The following CADPS variants were observed in gnomAD, a reference collection of about 807,000 sequenced individuals.
The protein encoded by CADPS is calcium dependent secretion activator.
In CADPS, 57 loss-of-function variants were observed where a neutral mutation model predicts 167.3. The observed-to-expected ratio is 0.34, with a 90% CI of 0.28 to 0.42. CADPS has a LOEUF of 0.42. Among genes scored for constraint, CADPS ranks in the 20% least tolerant of loss-of-function variants. The pLI, the probability that CADPS is intolerant of heterozygous loss-of-function variation, is 1.00. For synonymous variants in CADPS, 676 were observed against 635.3 expected, an observed-to-expected ratio of 1.06 and a Z score of -0.96; for missense variants, 1,414 against 1,738.1, an observed-to-expected ratio of 0.81 and a Z score of 3.32.
chr3:62,437,760 A>T (rs562085597), intron 28 of CADPS, among the ~76,000 whole-genome samples: 1 of 152,180 alleles, frequency 6.6e-6, no homozygotes, highest in Admixed American at 6.5e-5. Context: ...ATATCTCCCT[A>T]AAGTGAGGCC....
At chr3:62,863,971 G>A (rs1181863631) in intron 1 of CADPS, among the ~76,000 whole-genome samples, 1 of 152,162 alleles carries the variant, frequency 6.6e-6, no homozygotes, top group African/African-American at 2.4e-5. Flanking sequence ...GGAGGTCAAT[G>A]CTCCTCCAAG....
At chr3:62,718,896 G>A (rs756292523) in intron 3 of CADPS, among the ~76,000 whole-genome samples, 11 of 152,226 alleles carry the variant, frequency 7.2e-5, no homozygotes, top group South Asian at 2.1e-4. Flanking sequence ...TACAGAAGCT[G>A]GCTCCGGGCT....
chr3:62,612,454 A>G (rs2061632848), intron 6 of CADPS, among the ~76,000 whole-genome samples: 1 of 152,202 alleles, frequency 6.6e-6, no homozygotes, highest in Non-Finnish European at 1.5e-5. Flanking sequence ...AATGGACTCT[A>G]CCAGAGTGTT....
chr3:62,574,304 G>A (rs982913179), intron 8 of CADPS, among the ~76,000 whole-genome samples: 1 of 151,114 alleles, frequency 6.6e-6, no homozygotes, highest in Non-Finnish European at 1.5e-5. Context: ...AATGCAGGAG[G>A]GGTGACACCA....
chr3:62,711,569 T>C (rs2083395895), intron 3 of CADPS, among the ~76,000 whole-genome samples: 1 of 152,256 alleles, frequency 6.6e-6, no homozygotes, highest in Non-Finnish European at 1.5e-5. Context: ...GAGCCTTAGC[T>C]AGTGAGAGTG....
At chr3:62,622,808 A>G (rs542264570) in intron 6 of CADPS, among the ~76,000 whole-genome samples, 40 of 152,316 alleles carry the variant, frequency 2.6e-4, no homozygotes, top group Non-Finnish European at 4.4e-4. Flanking sequence ...AAAGTTTGAC[A>G]ATAGCCAACT....
chr3:62,594,320 C>A (rs1159258020), intron 6 of CADPS, among the ~76,000 whole-genome samples: 1 of 151,254 alleles, frequency 6.6e-6, no homozygotes, highest in African/African-American at 2.4e-5. Flanking sequence ...CGCCACTATG[C>A]CCGGCTAATT....
Position 62,875,204 on chromosome 3 carries a change from G to A in CADPS, c.-175C>T. 1 of 837,936 alleles carries A rather than the reference G, an allele frequency of 1.2e-6. No homozygotes were observed. Among genetic ancestry groups the A allele is most frequent in the Non-Finnish European group, 1.6e-6 (1 of 625,738 alleles). The allele number at this position is 837,936 out of a possible 1,614,324, so 51.9% of individuals were successfully genotyped here. A position where few individuals can be genotyped will look rare whatever the true frequency, so the allele number is the denominator to read the frequency against. On this transcript the variant is annotated 5_prime_UTR_variant, in exon 1 of 30. Transcript: ENST00000383710. ...GCGACTGATCCTCTGCCCGGCGGTC[G>A]CGAGCTGGGCTCAGACCCAGAAGCG... is the stretch of plus-strand genomic sequence containing the variant.
chr3:62,558,854 G>A (rs528072007), intron 9 of CADPS, among the ~76,000 whole-genome samples: 10 of 152,306 alleles, frequency 6.6e-5, no homozygotes, highest in Non-Finnish European at 1.3e-4. Context: ...GGAAACCTAA[G>A]GCTGGGTCAC....
chr3:62,625,411 A>T (rs1487048197), intron 6 of CADPS: 1 of 148,698 alleles, frequency 6.7e-6, no homozygotes, highest in Non-Finnish European at 1.5e-5. Flanking sequence ...ACACACGCAC[A>T]CACATGCACA....
At chr3:62,615,648 TG>T (rs1319252337) in intron 6 of CADPS, among the ~76,000 whole-genome samples, 1 of 152,070 alleles carries the variant, frequency 6.6e-6, no homozygotes, top group Non-Finnish European at 1.5e-5. Flanking sequence ...TGGCTAACAG[TG>T]ACTGTCTCAC....
intron 10 of CADPS, among the ~76,000 whole-genome samples, chr3:62,553,933 C>T (rs2077708056): frequency 6.6e-6 from 1 of 152,116 alleles, no homozygotes; most frequent in African/African-American, 2.4e-5. Flanking sequence ...TCCCACAATT[C>T]AAAGACAAAA....
intron 23 of CADPS, 71 bp from the exon 24 acceptor site, chr3:62,474,391 G>C: frequency 6.9e-7 from 1 of 1,445,640 alleles, no homozygotes; most frequent in Non-Finnish European, 9.6e-7. Flanking sequence ...TATTTTCTGA[G>C]AGGTCAGTGA....
intron 9 of CADPS, among the ~76,000 whole-genome samples, chr3:62,568,071 G>A (rs539730834): frequency 1.3e-5 from 2 of 152,312 alleles, no homozygotes; most frequent in South Asian, 4.1e-4. Context: ...AGTGAACCAG[G>A]TTAGACTAAA....
chr3:62,687,166 T>C (rs1311674585), intron 3 of CADPS, among the ~76,000 whole-genome samples: 1 of 152,146 alleles, frequency 6.6e-6, no homozygotes, highest in Non-Finnish European at 1.5e-5. Context: ...AGATCAGGGT[T>C]GAGGGGGCCC....
intron 3 of CADPS, among the ~76,000 whole-genome samples, chr3:62,693,515 C>T (rs1275505381): frequency 2.0e-5 from 3 of 151,922 alleles, no homozygotes; most frequent in Non-Finnish European, 4.4e-5. Flanking sequence ...TCTGTAATCC[C>T]AGCAGTGGCT....
intron 3 of CADPS, among the ~76,000 whole-genome samples, chr3:62,719,857 C>A (rs1337058913): frequency 6.6e-6 from 1 of 152,206 alleles, no homozygotes; most frequent in African/African-American, 2.4e-5. Flanking sequence ...GGTGGGGTTA[C>A]ACGACTACTT....
chr3:62,421,366 C>A lies in CADPS; in HGVS notation c.3777+16738G>T, dbSNP rs2051348388. Among the ~76,000 whole-genome samples the A allele has an allele frequency of 1.3e-5, 2 of 152,154 alleles. No individual in the cohort carries two copies. Among genetic ancestry groups the A allele is most frequent in the Non-Finnish European group, 2.9e-5 (2 of 68,034 alleles). ...GCGCACAGCGAGCGCCTGAATGGGG[C>A]AAACCTCCTAAGTTGAATGGAGTGT... is the stretch of plus-strand genomic sequence containing the variant. On this transcript the variant is annotated intron_variant, in intron 28 of 29. Transcript: ENST00000383710. This position sits in a 1 kb window ranked among gnomAD's most constrained non-coding sequence, Gnocchi z 4.7.
At chr3:62,622,853 T>C (rs1289990918) in intron 6 of CADPS, among the ~76,000 whole-genome samples, 2 of 152,212 alleles carry the variant, frequency 1.3e-5, no homozygotes, top group African/African-American at 4.8e-5. Flanking sequence ...CCACAGCGCA[T>C]TTTTAATCCT....
Sources: allele counts gnomAD v4.1 joint callset (sites outside exome capture counted in the v4.1 genomes callset), GRCh38; gene constraint gnomAD v4.1.1; non-coding constraint Gnocchi (gnomAD v3.1); transcripts MANE v1.5; gene names NCBI Gene and HGNC (gene_info 2026-07-23, HGNC 2026-07-21).